LAMA2: variants seen among roughly 807,000 people sequenced by gnomAD.
The protein encoded by LAMA2 is laminin subunit alpha-2.
A neutral mutation model predicts 364.8 loss-of-function variants in LAMA2; 269 were observed. The observed-to-expected ratio is 0.74, with a 90% CI of 0.67 to 0.82. The LOEUF is 0.82. Ranked by LOEUF, LAMA2 falls within the 40% of genes least tolerant of loss-of-function variation. LAMA2 has a pLI of 0.00. For missense variants in LAMA2, 3,807 were observed against 3,873.2 expected (o/e 0.98, Z 0.45); for synonymous variants, 1,379 against 1,370.6 (o/e 1.01, Z -0.14).
At chr6:129,188,242 C>T (rs962359522) in intron 10 of LAMA2, among the ~76,000 whole-genome samples, 3 of 151,786 alleles carry the variant, frequency 2.0e-5, no homozygotes, top group Admixed American at 2.0e-4. Flanking sequence ...GCCTAGAATT[C>T]CTACCCTAAT....
At chr6:129,430,970 GA>G (rs1193540861) in intron 41 of LAMA2, among the ~76,000 whole-genome samples, 1 of 151,962 alleles carries the variant, frequency 6.6e-6, no homozygotes, top group Non-Finnish European at 1.5e-5. Context: ...AAAAGTTTGA[GA>G]ATATTAAGAT....
At chr6:129,024,938 C>T (rs961935419) in intron 1 of LAMA2, among the ~76,000 whole-genome samples, 1 of 152,074 alleles carries the variant, frequency 6.6e-6, no homozygotes, top group African/African-American at 2.4e-5. Context: ...CCAGCCTGGG[C>T]AGTGTAGCAA....
chr6:129,011,535 A>G (rs995181925), intron 1 of LAMA2, among the ~76,000 whole-genome samples: 3 of 152,122 alleles, frequency 2.0e-5, no homozygotes, highest in African/African-American at 4.8e-5. Flanking sequence ...GGCTCTGCCT[A>G]ATGGAAGAGA....
At chr6:129,290,728 T>C (rs1789635277) in intron 19 of LAMA2, among the ~76,000 whole-genome samples, 1 of 152,204 alleles carries the variant, frequency 6.6e-6, no homozygotes, top group Non-Finnish European at 1.5e-5. Flanking sequence ...AATTAATTAC[T>C]ATTCTATTTG....
Position 129,046,216 on chromosome 6 carries a change from G to A in LAMA2, c.113-3702G>A, listed in dbSNP as rs368981182. Among the ~76,000 whole-genome samples the A allele has an allele frequency of 1.6e-4, 24 of 152,250 alleles. No homozygotes were observed. In the South Asian group the frequency reaches 4.8e-3, roughly 30 times the overall value. On this transcript the variant is annotated intron_variant, in intron 1 of 64. Coordinates refer to ENST00000421865, the MANE Select transcript of LAMA2 (RefSeq NM_000426.4). ...AGTCCACTAAAACAAATTACTAACA[G>A]TGACAAATAAGCAGTGCTTTATGTT... is the stretch of plus-strand genomic sequence containing the variant.
At chr6:129,135,987 A>T (rs1240035050) in intron 4 of LAMA2, among the ~76,000 whole-genome samples, 1 of 152,250 alleles carries the variant, frequency 6.6e-6, no homozygotes, top group African/African-American at 2.4e-5. Context: ...AGCATTTAAA[A>T]ATAGATGTAA....
chr6:128,942,412 T>C (rs1780214130), intron 1 of LAMA2, among the ~76,000 whole-genome samples: 1 of 152,186 alleles, frequency 6.6e-6, no homozygotes, highest in Admixed American at 6.5e-5. Flanking sequence ...CAGAAATCTC[T>C]TTCTTCCAGT....
Position 129,460,222 on chromosome 6 carries a change from T to C in LAMA2, c.6890T>C (p.Ile2297Thr), listed in dbSNP as rs1554300918. Residue 2297 changes from isoleucine to threonine, a missense_variant, in exon 49 of 65, where the codon ATT becomes ACT. Physicochemically the swap from Ile to Thr is moderately conservative, Grantham distance 89. Around this residue, in one of 3 missense-constraint regions of LAMA2, gnomAD observed 3,333 missense variants for 3,345.7 expected, o/e 1.00. Transcript: ENST00000421865. ...CAGAAGGCTGATGCTGTACGTGTGA[T>C]TACATTCACTGGCTGCATGGGAGAA... The part of the protein sequence containing the change: ...KLKKADAVRV[I>T]TFTGCMGETY... 2 of 1,611,996 alleles carry C rather than the reference T, an allele frequency of 1.2e-6. No homozygotes were observed. Among genetic ancestry groups the C allele is most frequent in the South Asian group, 1.1e-5 (1 of 91,054 alleles).
intron 40 of LAMA2, among the ~76,000 whole-genome samples, chr6:129,405,288 T>C (rs116007482): frequency 0.017 from 2,622 of 152,260 alleles, 71 homozygotes; most frequent in African/African-American, 0.06. Context: ...CTGTTCATAA[T>C]CTTTTATACC....
chr6:129,325,533 GTT>G (rs201833533), intron 28 of LAMA2, among the ~76,000 whole-genome samples: 1 of 145,160 alleles, frequency 6.9e-6, no homozygotes, highest in African/African-American at 2.5e-5. Context: ...GAGAATTTCT[GTT>G]TTTTTTTTTA....
chr6:129,219,333 G>A (rs1229375220), intron 12 of LAMA2, among the ~76,000 whole-genome samples: 1 of 152,068 alleles, frequency 6.6e-6, no homozygotes, highest in Non-Finnish European at 1.5e-5. Flanking sequence ...AACAACAGAT[G>A]CTGGAGAGGA....
intron 1 of LAMA2, among the ~76,000 whole-genome samples, chr6:128,937,742 A>C (rs1193611200): frequency 6.6e-6 from 1 of 151,686 alleles, no homozygotes; most frequent in Non-Finnish European, 1.5e-5. Context: ...AACAATTCTT[A>C]CTTATATTGA....
At chr6:129,095,875 C>T (rs1053043151) in intron 3 of LAMA2, among the ~76,000 whole-genome samples, 10 of 151,554 alleles carry the variant, frequency 6.6e-5, no homozygotes, top group African/African-American at 1.7e-4. Flanking sequence ...GTGAGCCAAG[C>T]TTGCGCCATT....
rs202151118 is a variant in LAMA2 at position 129,412,890 on chromosome 6, T to C, written c.5865+8931T>C. The stretch of plus-strand genomic sequence containing the variant: ...AAGTAGCCGTGTGCCCCAAGCTAAC[T>C]GTAAGGGAGGTCTGGAAAAGTAGGA... On this transcript the variant is annotated intron_variant, in intron 40 of 64. Transcript: ENST00000421865. Among the ~76,000 whole-genome samples, 300 of 152,266 alleles carry C rather than the reference T, an allele frequency of 2.0e-3. 1 individual carries two copies. Among genetic ancestry groups the C allele is most frequent in the Non-Finnish European group, 3.6e-3 (244 of 68,018 alleles).
At chr6:129,147,508 G>C (rs376213046) in intron 6 of LAMA2, among the ~76,000 whole-genome samples, 1 of 151,966 alleles carries the variant, frequency 6.6e-6, no homozygotes, top group South Asian at 2.1e-4. Context: ...GGGGTGGAGG[G>C]GGTGGAGTGG....
rs148010023 is a variant in LAMA2, at chr6:129,286,281, C to G, written c.2538-1566C>G. 2.8e-4 allele frequency among the ~76,000 whole-genome samples: 43 copies of G among 151,868 alleles called. No individual in the cohort carries two copies. In the East Asian group the frequency reaches 8.3e-3, roughly 29 times the overall value. ...AAGATGGCAAAGATAACAGAGCTAG[C>G]CTGACCATAAGATTCAGATGCCCTG... On this transcript the variant is annotated intron_variant, in intron 18 of 64. Transcript: ENST00000421865.
intron 29 of LAMA2, among the ~76,000 whole-genome samples, chr6:129,338,263 G>A (rs1776067486): frequency 6.6e-6 from 1 of 152,116 alleles, no homozygotes; most frequent in Admixed American, 6.6e-5. Flanking sequence ...AAAAGCAAAA[G>A]GCTGAAAATT....
chr6:129,421,110 A>T (rs1481192790), intron 40 of LAMA2, among the ~76,000 whole-genome samples: 2 of 152,168 alleles, frequency 1.3e-5, no homozygotes, highest in Non-Finnish European at 2.9e-5. Flanking sequence ...TAGTAGGAAG[A>T]GGAAAACTAA....
At position 129,514,416 on chromosome 6, in the gene LAMA2, T is replaced by A; in HGVS notation, c.9032T>A (p.Val3011Asp). The change falls in exon 64 of 65, where the codon GTC (valine) becomes GAC (aspartate). Residue 3011 changes from valine (V) to aspartate (D), a missense_variant. Transcript: ENST00000421865. ...VDNGAGRFTA[V>D]YDAGVPGHLC... ...AATGGTGCGGGCAGATTCACTGCTG[T>A]CTATGATGCTGGGGTTCCAGGGCAT... 1 of 1,614,044 alleles carries A rather than the reference T, an allele frequency of 6.2e-7. No homozygotes were observed. The highest frequency in any genetic ancestry group is 8.5e-7 in the Non-Finnish European group (1 of 1,179,972).
Sources: gnomAD v4.1 joint callset for allele counts (sites outside exome capture counted in the v4.1 genomes callset) on GRCh38, gnomAD v4.1.1 for gene constraint, gnomAD v4.1.1 regional missense constraint, MANE v1.5 for transcripts, NCBI Gene and HGNC (gene_info 2026-07-23, HGNC 2026-07-21) for gene names.